NSUN2: variants seen among roughly 807,000 people sequenced by gnomAD.
The protein encoded by NSUN2 is RNA cytosine C(5)-methyltransferase NSUN2.
Under a neutral mutation model 92.7 loss-of-function variants are expected in NSUN2, and 63 were observed. The ratio of observed to expected loss-of-function variants is 0.68; its 90% CI spans 0.56 to 0.84. The LOEUF (loss-of-function observed/expected upper bound fraction) is 0.84, where lower values mean the gene tolerates loss of function less well. Among genes scored for constraint, NSUN2 ranks in the 40% least tolerant of loss-of-function variants. The pLI is 0.00. For synonymous variants in NSUN2, 356 were observed against 348.3 expected (o/e 1.02, Z -0.25); for missense variants, 989 against 964.9 (o/e 1.02, Z -0.33).
rs1003163870 is a variant in NSUN2 at position 6,623,745 on chromosome 5, A to G, written c.466-460T>C. ...CTATTTTCAGACATAGCCCATGCCC[A>G]CTTTCTATTTCTCATAACTACCTTT... On this transcript the variant is annotated intron_variant, in intron 4 of 18. Coordinates refer to ENST00000264670, the MANE Select transcript of NSUN2 (RefSeq NM_017755.6). Among the ~76,000 whole-genome samples, 12 of 152,164 alleles carry G rather than the reference A, an allele frequency of 7.9e-5. 1 individual carries two copies. The highest frequency in any genetic ancestry group is 3.3e-4 in the Admixed American group (5 of 15,280).
intron 14 of NSUN2, 119 bp downstream of exon 14, chr5:6,606,701 A>T (rs1457460801): frequency 4.7e-5 from 7 of 148,086 alleles, no homozygotes; most frequent in Non-Finnish European, 7.9e-5. Context: ...AAAGGTTAAA[A>T]AAAAAAAAAA....
chr5:6,600,022 C>CT lies in NSUN2; in HGVS notation c.2207dup (p.Arg737GlufsTer23). On this transcript the variant is annotated frameshift_variant, in exon 19 of 19. Coordinates refer to ENST00000264670, the MANE Select transcript of NSUN2 (RefSeq NM_017755.6). LOFTEE classifies it low-confidence loss of function (END_TRUNC). ...CTGGGCTGTTGGGCTCTCCTGCTCTCTGTCCCTCAGTCACGTCATTGTCTG... is the reference window on the plus strand; with the variant it reads ...CTGGGCTGTTGGGCTCTCCTGCTCTCTTGTCCCTCAGTCACGTCATTGTCTG... 1 of 1,614,276 alleles carries CT rather than the reference C, an allele frequency of 6.2e-7. No individual in the cohort carries two copies. Among genetic ancestry groups the CT allele is most frequent in the South Asian group, 1.1e-5 (1 of 91,088 alleles).
At chr5:6,601,191 T>C (rs1736540937) in intron 18 of NSUN2, among the ~76,000 whole-genome samples, 1 of 151,946 alleles carries the variant, frequency 6.6e-6, no homozygotes. Context: ...ATTCCTGAAG[T>C]TGACCTGTCA....
In NSUN2 at chr5:6,616,808, C is replaced by T; in HGVS notation, c.940G>A (p.Gly314Arg). The T allele has an allele frequency of 6.2e-7, 1 of 1,614,048 alleles. No homozygotes were observed. Among genetic ancestry groups the T allele is most frequent in the Non-Finnish European group, 8.5e-7 (1 of 1,179,958 alleles). Residue 314 changes from glycine (G) to arginine (R), a missense_variant, in exon 9 of 19, where the codon GGA becomes AGA. Physicochemically the swap from Gly to Arg is moderately radical, Grantham distance 125. Transcript: ENST00000264670. ...GAACACGTGGAATACACCATCCTTCCACCTTCAGCCAGCTGTTCAGCCCCG... is the reference window on the plus strand; with the variant it reads ...GAACACGTGGAATACACCATCCTTCTACCTTCAGCCAGCTGTTCAGCCCCG... ...TRGAEQLAEG[G>R]RMVYSTCSLN...
At position 6,604,212 on chromosome 5, in the gene NSUN2, T is replaced by C; in HGVS notation, c.1883A>G (p.Lys628Arg). Residue 628 changes from lysine (K) to arginine (R), a missense_variant, in exon 17 of 19, where the codon AAG becomes AGG. Coordinates refer to ENST00000264670, the MANE Select transcript of NSUN2 (RefSeq NM_017755.6). Reference protein sequence around the residue: ...RIITVSMEDVKILLTQENPFF... With the variant: ...RIITVSMEDVRILLTQENPFF... ...GGGATTTTCCTGGGTCAACAGTATC[T>C]TAACATCTTCCATTGATACAGTAAT... The C allele has an allele frequency of 6.2e-7, 1 of 1,610,990 alleles. No homozygotes were observed. Among genetic ancestry groups the C allele is most frequent in the South Asian group, 1.1e-5 (1 of 90,982 alleles).
At chr5:6,617,410 T>C (rs1389887936) in intron 8 of NSUN2, among the ~76,000 whole-genome samples, 1 of 152,208 alleles carries the variant, frequency 6.6e-6, no homozygotes, top group Non-Finnish European at 1.5e-5. Flanking sequence ...ACAGACAGCA[T>C]GATCAAAAGT....
At chr5:6,611,198 T>C in intron 10 of NSUN2, 113 bp from the exon 11 acceptor site, 1 of 1,162,342 alleles carries the variant, frequency 8.6e-7, no homozygotes, top group Non-Finnish European at 1.2e-6. Context: ...TCTCATTCAC[T>C]CCAAAGATAG....
chr5:6,617,711 G>C (rs1036373409), intron 8 of NSUN2, among the ~76,000 whole-genome samples: 3 of 152,216 alleles, frequency 2.0e-5, no homozygotes, highest in South Asian at 2.1e-4. Context: ...CTGAAGTGTT[G>C]CAAGAAATTT....
At chr5:6,607,467 A>G (rs893329693) in intron 12 of NSUN2, 83 bp from the exon 13 acceptor site, 1 of 1,162,852 alleles carries the variant, frequency 8.6e-7, no homozygotes, top group Non-Finnish European at 1.2e-6. Flanking sequence ...CCACGTTCAC[A>G]AAATCCATCA....
At chr5:6,610,859 T>C in intron 11 of NSUN2, 96 bp downstream of exon 11, 1 of 1,448,608 alleles carries the variant, frequency 6.9e-7, no homozygotes, top group South Asian at 1.3e-5. Context: ...CAATGTCACC[T>C]GCTGCCTCCA....
chr5:6,621,515 A>C (rs186940171), intron 6 of NSUN2: 1 of 152,220 alleles, frequency 6.6e-6, no homozygotes, highest in Non-Finnish European at 1.5e-5. Flanking sequence ...TTGGGAGGCC[A>C]AGGCGGGCGG....
chr5:6,633,033 C>T lies in NSUN2; in HGVS notation c.-54G>A. 7.2e-7 allele frequency: 1 copy of T among 1,394,432 alleles called. No homozygotes were observed. The allele number at this position is 1,394,432 out of a possible 1,614,324, so 86.4% of individuals were successfully genotyped here. A position where few individuals can be genotyped will look rare whatever the true frequency, so the allele number is the denominator to read the frequency against. ...AGAAACCGGCCCGCCACGGCCAGAA[C>T]TCTAGCCCTACACCTCCCGGGACTT... On this transcript the variant is annotated 5_prime_UTR_variant, in exon 1 of 19. Coordinates refer to ENST00000264670, the MANE Select transcript of NSUN2 (RefSeq NM_017755.6).
In NSUN2 at chr5:6,622,972, T is replaced by C. The variant is rs12691276; in HGVS notation, c.537+242A>G. On this transcript the variant is annotated intron_variant, in intron 5 of 18. Transcript: ENST00000264670. Reference sequence around the variant, plus strand: ...AATCACCATCACTGAAGACAATCCATATGGTAAACAAATCAGTAAAACTAA... The same window carrying C: ...AATCACCATCACTGAAGACAATCCACATGGTAAACAAATCAGTAAAACTAA... Among the ~76,000 whole-genome samples the C allele has an allele frequency of 0.56, 82,896 of 147,224 alleles. 23,424 individuals are homozygous for C. Among genetic ancestry groups the C allele is most frequent in the Middle Eastern group, 0.66 (181 of 276 alleles).
At position 6,610,947 on chromosome 5, in the gene NSUN2, C is replaced by T; in HGVS notation, c.1226+8G>A. 1 of 1,613,906 alleles carries T rather than the reference C, an allele frequency of 6.2e-7. No homozygotes were observed. The highest frequency in any genetic ancestry group is 8.5e-7 in the Non-Finnish European group (1 of 1,179,910). ...CCCTCCCCACACCTGGAGGCCCCACCAGCTCACCATCGCTCCAGGTGCATG... is the reference window on the plus strand; with the variant it reads ...CCCTCCCCACACCTGGAGGCCCCACTAGCTCACCATCGCTCCAGGTGCATG... On this transcript the variant is annotated splice_region_variant and intron_variant, in intron 11 of 18. Coordinates refer to ENST00000264670, the MANE Select transcript of NSUN2 (RefSeq NM_017755.6).
At chr5:6,628,953 G>A (rs1737763554) in intron 3 of NSUN2, among the ~76,000 whole-genome samples, 1 of 152,232 alleles carries the variant, frequency 6.6e-6, no homozygotes, top group African/African-American at 2.4e-5. Flanking sequence ...GCTGAGGTGG[G>A]AGGATCACTT....
chr5:6,628,441 G>T (rs1737743267), intron 3 of NSUN2, among the ~76,000 whole-genome samples: 2 of 152,178 alleles, frequency 1.3e-5, no homozygotes, highest in Non-Finnish European at 2.9e-5. Context: ...GAATGCTTTA[G>T]GATAATTTCT....
At chr5:6,630,846 G>A (rs1737853183) in intron 3 of NSUN2, among the ~76,000 whole-genome samples, 1 of 152,184 alleles carries the variant, frequency 6.6e-6, no homozygotes, top group Non-Finnish European at 1.5e-5. Flanking sequence ...TGTAATCCCA[G>A]CACTTTGGGA....
At chr5:6,609,003 C>A (rs946438987) in intron 12 of NSUN2, among the ~76,000 whole-genome samples, 1 of 152,208 alleles carries the variant, frequency 6.6e-6, no homozygotes, top group Non-Finnish European at 1.5e-5. Context: ...GCAGTCGCCC[C>A]CTTTGCCCGT....
intron 1 of NSUN2, 60 bp downstream of exon 1, chr5:6,632,824 C>A: frequency 6.4e-7 from 1 of 1,565,882 alleles, no homozygotes; most frequent in Non-Finnish European, 8.6e-7. Context: ...CCTCGCAGGC[C>A]TCGGGGTCCG....
Sources: allele counts gnomAD v4.1 joint callset (sites outside exome capture counted in the v4.1 genomes callset), GRCh38; gene constraint gnomAD v4.1.1; transcripts MANE v1.5; gene names NCBI Gene and HGNC (gene_info 2026-07-23, HGNC 2026-07-21).